The following SERPINA9 variants were observed in gnomAD, a reference collection of about 807,000 sequenced individuals.
SERPINA9 encodes the protein serpin family A member 9.
SERPINA9 carries 32 observed loss-of-function variants against 24.5 expected under a neutral mutation model. The observed-to-expected ratio is 1.30, with a 90% CI of 0.98 to 1.75. The LOEUF (loss-of-function observed/expected upper bound fraction) is 1.75. Among genes scored for constraint, SERPINA9 ranks in the 40% most tolerant of loss-of-function variants. The pLI is 0.00. For missense variants in SERPINA9, 594 were observed against 497.1 expected (o/e 1.19, Z -1.85); for synonymous variants, 233 against 197.7 (o/e 1.18, Z -1.50).
chr14:94,475,906 T>G, intron 1 of SERPINA9: 1 of 579,782 alleles, frequency 1.7e-6, no homozygotes, highest in East Asian at 2.8e-5. Flanking sequence ...TGTGTATTCA[T>G]GGTCTCTGTG....
At chr14:94,465,581 G>A (rs1368886121) in intron 3 of SERPINA9, among the ~76,000 whole-genome samples, 2 of 152,138 alleles carry the variant, frequency 1.3e-5, no homozygotes, top group Non-Finnish European at 2.9e-5. Context: ...AGGCTGGAGT[G>A]CAATGGCACA....
intron 1 of SERPINA9, among the ~76,000 whole-genome samples, chr14:94,472,433 C>T (rs1899367402): frequency 1.3e-5 from 2 of 152,354 alleles, no homozygotes; most frequent in South Asian, 2.1e-4. Flanking sequence ...TCTCCCTTCT[C>T]TCTTCTGGCA....
intron 3 of SERPINA9, 140 bp downstream of exon 3, chr14:94,466,969 C>T (rs1899030546): frequency 1.1e-6 from 1 of 892,626 alleles, no homozygotes; most frequent in African/African-American, 1.7e-5. Flanking sequence ...TATAGACAGC[C>T]CCAGGCTCTC....
chr14:94,462,868 T>A lies in SERPINA9; in HGVS notation c.*225A>T. The A allele has an allele frequency of 3.8e-6, 2 of 532,780 alleles. No homozygotes were observed. Among genetic ancestry groups the A allele is most frequent in the Non-Finnish European group, 6.8e-6 (2 of 295,038 alleles). 33.0% of individuals were successfully genotyped at this position (532,780 alleles called of 1,614,324 possible). On this transcript the variant is annotated 3_prime_UTR_variant, in exon 5 of 5. Coordinates refer to ENST00000674397, the MANE Select transcript of SERPINA9 (RefSeq NM_175739.4). ...CCCAGCAACATCCCATGAAGCTAGT[T>A]ACCTGGGAGAATTTGTGGAAAAGGG...
chr14:94,469,737 G>A lies in SERPINA9; in HGVS notation c.104C>T (p.Ser35Phe). The change falls in exon 2 of 5, where the codon TCC becomes TTC. Residue 35 changes from serine (S) to phenylalanine (F), a missense_variant. Ser to Phe is a radical substitution (Grantham distance 155). Transcript: ENST00000674397. ...NAPSAYPRPS[S>F]TKSTPASQVY... ...CTGTGAGGCAGGGGTGCTCTTTGTG[G>A]AGGAAGGGCGGGGGTATGCACTGGG... 6.3e-7 allele frequency: 1 copy of A among 1,584,514 alleles called. No individual in the cohort carries two copies. Among genetic ancestry groups the A allele is most frequent in the Non-Finnish European group, 8.6e-7 (1 of 1,163,696 alleles).
chr14:94,464,500 C>A, intron 4 of SERPINA9: 1 of 563,996 alleles, frequency 1.8e-6, no homozygotes, highest in Non-Finnish European at 3.1e-6. Context: ...AGGATGGCTT[C>A]GGAACATTTG....
intron 3 of SERPINA9, among the ~76,000 whole-genome samples, chr14:94,466,242 G>T (rs983224595): frequency 1.3e-5 from 2 of 152,126 alleles, no homozygotes; most frequent in African/African-American, 4.8e-5. Flanking sequence ...TACCAAAGCT[G>T]CCCTTGCCAA....
At position 94,469,746 on chromosome 14, in the gene SERPINA9, C is replaced by T. The variant is rs572746802; in HGVS notation, c.95G>A (p.Arg32His). Residue 32 changes from arginine (R) to histidine (H), a missense_variant, in exon 2 of 5, where the codon CGC (arginine) becomes CAC (histidine). Transcript: ENST00000674397. The part of the protein sequence containing the change: ...SPANAPSAYP[R>H]PSSTKSTPAS... The stretch of plus-strand genomic sequence containing the variant: ...AGGGGTGCTCTTTGTGGAGGAAGGG[C>T]GGGGGTATGCACTGGGGGCATTGGC... 40 of 1,575,734 alleles carry T rather than the reference C, an allele frequency of 2.5e-5. No homozygotes were observed. The highest frequency in any genetic ancestry group is 1.0e-4 in the Admixed American group (6 of 57,560).
rs1033001725 is a variant in SERPINA9, at chr14:94,463,316, C to T, written c.1051-20G>A. ...GGTTGCCTGCCAAGGGAAAAACAAA[C>T]ATCAGTGGCCCTAGTGGAGACACTT... On this transcript the variant is annotated intron_variant, in intron 4 of 4. Coordinates refer to ENST00000674397, the MANE Select transcript of SERPINA9 (RefSeq NM_175739.4). The T allele has an allele frequency of 2.5e-6, 4 of 1,610,314 alleles. No homozygotes were observed. The African/African-American group carries it at 5.3e-5, about 22-fold the overall frequency.
chr14:94,469,779 A>G lies in SERPINA9; in HGVS notation c.62T>C (p.Val21Ala). Residue 21 changes from valine to alanine, a missense_variant, in exon 2 of 5, where the codon GTG becomes GCG. By Grantham distance (64) the Val-to-Ala change is moderately conservative. Transcript: ENST00000674397. Reference sequence around the variant, plus strand: ...TGCACTGGGGGCATTGGCCGGGGACACACAGTAGATTGGAGCACAGAGGCC... The same window carrying G: ...TGCACTGGGGGCATTGGCCGGGGACGCACAGTAGATTGGAGCACAGAGGCC... Reference protein sequence around the residue: ...AVGLCAPIYCVSPANAPSAYP... With the variant: ...AVGLCAPIYCASPANAPSAYP... 1.9e-6 allele frequency: 3 copies of G among 1,546,020 alleles called. No individual in the cohort carries two copies. In the South Asian group the frequency reaches 3.7e-5, roughly 19 times the overall value.
Position 94,464,855 on chromosome 14 carries a change from CT to C in SERPINA9, c.903-2del. On this transcript the variant is annotated splice_acceptor_variant, in intron 3 of 4. Coordinates refer to ENST00000674397, the MANE Select transcript of SERPINA9 (RefSeq NM_175739.4). LOFTEE classifies it high-confidence loss of function. Reference sequence around the variant, plus strand: ...TCTGGGGATGAACACCTCTATCCACCTGTGGAGTAGGGAAAAGGAAACAATG... The same window carrying C: ...TCTGGGGATGAACACCTCTATCCACCGTGGAGTAGGGAAAAGGAAACAATG... 1 of 1,610,440 alleles carries C rather than the reference CT, an allele frequency of 6.2e-7. No individual in the cohort carries two copies. Among genetic ancestry groups the C allele is most frequent in the Non-Finnish European group, 8.5e-7 (1 of 1,178,650 alleles).
At chr14:94,471,741 T>TGC (rs200521239) in intron 1 of SERPINA9, among the ~76,000 whole-genome samples, 19,422 of 152,002 alleles carry the variant, frequency 0.13, 1,573 homozygotes, top group East Asian at 0.31. Flanking sequence ...GCCCCATCTC[T>TGC]CCCTTTCTCC....
rs185539688 is a variant in SERPINA9 at position 94,467,352 on chromosome 14, T to C, written c.659A>G (p.Tyr220Cys). 433 of 1,612,524 alleles carry C rather than the reference T, an allele frequency of 2.7e-4. No individual in the cohort carries two copies. Among genetic ancestry groups the C allele is most frequent in the Non-Finnish European group, 2.6e-4 (307 of 1,178,822 alleles). The change falls in exon 3 of 5, where the codon TAT becomes TGT. Residue 220 changes from tyrosine to cysteine, a missense_variant. Coordinates refer to ENST00000674397, the MANE Select transcript of SERPINA9 (RefSeq NM_175739.4). ...CAGGAATGGGAAGTTCTTTCTTGTATATTCAGGGTGAAAGGGCTTCTCCCA... is the reference window on the plus strand; with the variant it reads ...CAGGAATGGGAAGTTCTTTCTTGTACATTCAGGGTGAAAGGGCTTCTCCCA... ...AKWEKPFHPE[Y>C]TRKNFPFLVG...
At chr14:94,463,434 G>T in intron 4 of SERPINA9, 138 bp from the exon 5 acceptor site, 1 of 721,342 alleles carries the variant, frequency 1.4e-6, no homozygotes, top group Non-Finnish European at 2.4e-6. Context: ...CTGGCATTGG[G>T]TTTACTCAAT....
In SERPINA9 at chr14:94,463,127, AAG is replaced by A; in HGVS notation, c.1218_1219del (p.Phe407SerfsTer9). ...AGTGGGATTTTCCACTTTCCCTAGA[AAG>A]AGAATACCGTCTGTGGCTTTATTTG... On this transcript the variant is annotated frameshift_variant, in exon 5 of 5. Transcript: ENST00000674397. LOFTEE classifies it high-confidence loss of function. The A allele has an allele frequency of 6.2e-7, 1 of 1,614,204 alleles. No homozygotes were observed. The highest frequency in any genetic ancestry group is 8.5e-7 in the Non-Finnish European group (1 of 1,180,006).
chr14:94,467,413 G>A (rs1040342338), intron 2 of SERPINA9, 31 bp from the exon 3 acceptor site: 3 of 1,562,176 alleles, frequency 1.9e-6, no homozygotes, highest in Non-Finnish European at 2.6e-6. Flanking sequence ...AAGTCTTTAT[G>A]TCAAAGTACA....
Position 94,462,937 on chromosome 14 carries a change from T to C in SERPINA9, c.*156A>G, listed in dbSNP as rs1228142345. The C allele has an allele frequency of 1.5e-6, 1 of 649,172 alleles. No homozygotes were observed. Among genetic ancestry groups the C allele is most frequent in the Admixed American group, 2.4e-5 (1 of 42,438 alleles). 40.2% of individuals were successfully genotyped at this position (649,172 alleles called of 1,614,324 possible). Reference sequence around the variant, plus strand: ...GGTGTTGGCTTGTGACTGGGGTCCCTGTTGATGGTTTGGTGATTGAGCCTT... The same window carrying C: ...GGTGTTGGCTTGTGACTGGGGTCCCCGTTGATGGTTTGGTGATTGAGCCTT... On this transcript the variant is annotated 3_prime_UTR_variant, in exon 5 of 5. Transcript: ENST00000674397.
In SERPINA9 at chr14:94,463,261, C is replaced by T; in HGVS notation, c.1086G>A (p.Glu362=). Residue 362 remains glutamate, a synonymous_variant, in exon 5 of 5, where the codon GAG becomes GAA. Coordinates refer to ENST00000674397, the MANE Select transcript of SERPINA9 (RefSeq NM_175739.4). ...THKAVLDVSE[E]GTEATAATTT... ...TGGTAGCTGCTGTGGCCTCAGTGCC[C>T]TCTTCACTGACATCCAGCACAGCCT... 6.2e-7 allele frequency: 1 copy of T among 1,614,160 alleles called. No individual in the cohort carries two copies. Among genetic ancestry groups the T allele is most frequent in the African/African-American group, 1.3e-5 (1 of 75,048 alleles).
rs759561239 is a variant in SERPINA9 at position 94,469,340 on chromosome 14, GT to G, written c.500del (p.Asn167ThrfsTer13). Reference sequence around the variant, plus strand: ...TGATCCTCGCCTGGGCAATGGAGGGGTTGGAGAAATCTGTAGAAAAGACTTC... The same window carrying G: ...TGATCCTCGCCTGGGCAATGGAGGGGTGGAGAAATCTGTAGAAAAGACTTC... ...EAEVFSTDFS[N>X]PSIAQARINS... is the part of the protein sequence containing the mutation. On this transcript the variant is annotated frameshift_variant, in exon 2 of 5. Coordinates refer to ENST00000674397, the MANE Select transcript of SERPINA9 (RefSeq NM_175739.4). LOFTEE classifies it high-confidence loss of function. 6.5e-5 allele frequency: 105 copies of G among 1,614,226 alleles called. 1 individual carries two copies. The East Asian group carries it at 2.3e-3, about 36-fold the overall frequency.
Sources: allele counts gnomAD v4.1 joint callset (sites outside exome capture counted in the v4.1 genomes callset), GRCh38; gene constraint gnomAD v4.1.1; transcripts MANE v1.5; gene names NCBI Gene and HGNC (gene_info 2026-07-23, HGNC 2026-07-21).